NPAS3: variants seen among roughly 807,000 people sequenced by gnomAD.
NPAS3 encodes the protein neuronal PAS domain protein 3.
A neutral mutation model predicts 73.1 loss-of-function variants in NPAS3; 14 were observed. The ratio of observed to expected loss-of-function variants is 0.19; its 90% confidence interval spans 0.13 to 0.30. The LOEUF is 0.30. Ranked by LOEUF, NPAS3 falls within the 10% of genes least tolerant of loss-of-function variation. NPAS3 has a pLI of 1.00. For missense variants in NPAS3, 1,096 were observed against 1,250.0 expected, an observed-to-expected ratio of 0.88 and a Z score of 1.86; for synonymous variants, 620 against 541.5, an observed-to-expected ratio of 1.14 and a Z score of -2.01.
intron 5 of NPAS3, among the ~76,000 whole-genome samples, chr14:33,669,974 G>A (rs1387472534): frequency 6.6e-6 from 1 of 152,110 alleles, no homozygotes; most frequent in East Asian, 1.9e-4. Flanking sequence ...GGAGTGCAAT[G>A]TCGTGATCTC....
At chr14:33,256,086 G>A (rs964133809) in intron 3 of NPAS3, among the ~76,000 whole-genome samples, 16 of 152,242 alleles carry the variant, frequency 1.1e-4, no homozygotes, top group African/African-American at 3.6e-4. Flanking sequence ...TCACTTGTAG[G>A]TTTATATTCT....
intron 3 of NPAS3, among the ~76,000 whole-genome samples, chr14:33,329,446 G>C (rs372769873): frequency 6.6e-6 from 1 of 152,172 alleles, no homozygotes; most frequent in Admixed American, 6.5e-5. Flanking sequence ...CTGGGTTGGC[G>C]TTTGGATTGA....
intron 9 of NPAS3, chr14:33,780,563 T>G (rs1163699003): frequency 2.3e-6 from 1 of 428,800 alleles, no homozygotes; most frequent in Admixed American, 3.0e-5. Context: ...AAAAAGAACT[T>G]TGTCTTCCTC....
chr14:33,610,913 G>A (rs1222616646), intron 5 of NPAS3: 1 of 152,190 alleles, frequency 6.6e-6, no homozygotes, highest in Admixed American at 6.5e-5. Flanking sequence ...ACAGAACACA[G>A]GAGCAGCTTA....
chr14:33,797,621 C>T (rs2063550190), intron 11 of NPAS3, 40 bp downstream of exon 11: 1 of 1,606,596 alleles, frequency 6.2e-7, no homozygotes, highest in Non-Finnish European at 8.5e-7. Context: ...GTGAAGCTTG[C>T]CCACCACGCG....
chr14:33,124,834 T>C (rs750338685), intron 2 of NPAS3, among the ~76,000 whole-genome samples: 1 of 151,962 alleles, frequency 6.6e-6, no homozygotes, highest in Non-Finnish European at 1.5e-5. Context: ...AAGGAAAAGG[T>C]GTTACAAGAA....
chr14:33,613,890 C>G (rs748344526), intron 5 of NPAS3, among the ~76,000 whole-genome samples: 2 of 152,166 alleles, frequency 1.3e-5, no homozygotes, highest in African/African-American at 2.4e-5. Flanking sequence ...CCTTCTCCCC[C>G]CTCTTATAGG....
chr14:32,945,608 G>C (rs2036217100), intron 1 of NPAS3, among the ~76,000 whole-genome samples: 1 of 152,152 alleles, frequency 6.6e-6, no homozygotes, highest in African/African-American at 2.4e-5. Context: ...ACACCAGTGT[G>C]GAAGGGCCTG....
intron 1 of NPAS3, among the ~76,000 whole-genome samples, chr14:33,053,079 G>A (rs972534609): frequency 1.3e-5 from 2 of 152,100 alleles, no homozygotes; most frequent in East Asian, 1.9e-4. Flanking sequence ...AATTGTTAAG[G>A]CGTCATCTGT....
intron 2 of NPAS3, among the ~76,000 whole-genome samples, chr14:33,063,322 A>G (rs1324236438): frequency 6.6e-6 from 1 of 152,198 alleles, no homozygotes; most frequent in Non-Finnish European, 1.5e-5. Flanking sequence ...TTATTACCAC[A>G]TTTTACAGAT....
intron 4 of NPAS3, among the ~76,000 whole-genome samples, chr14:33,548,207 G>A (rs1250287850): frequency 2.0e-5 from 3 of 152,138 alleles, no homozygotes; most frequent in Non-Finnish European, 4.4e-5. Flanking sequence ...TATGGTTGAG[G>A]CCACTTTAGT....
chr14:33,306,504 C>A (rs1321458175), intron 3 of NPAS3, among the ~76,000 whole-genome samples: 1 of 152,012 alleles, frequency 6.6e-6, no homozygotes, highest in East Asian at 1.9e-4. Flanking sequence ...TCATTTTGAG[C>A]CTTTAATTGC....
chr14:33,405,621 G>C (rs2138811801), intron 4 of NPAS3, among the ~76,000 whole-genome samples: 1 of 152,072 alleles, frequency 6.6e-6, no homozygotes, highest in South Asian at 2.1e-4. Flanking sequence ...ACAATATTTT[G>C]GGGGTATTTT....
chr14:33,776,506 C>T (rs1343193872), intron 8 of NPAS3, among the ~76,000 whole-genome samples: 10 of 96,908 alleles, frequency 1.0e-4, no homozygotes, highest in African/African-American at 3.7e-4. Context: ...CTGCTTTTGG[C>T]GTTTTTCTTC....
intron 1 of NPAS3, among the ~76,000 whole-genome samples, chr14:32,963,636 C>A (rs1258985370): frequency 6.6e-6 from 1 of 152,152 alleles, no homozygotes; most frequent in Non-Finnish European, 1.5e-5. Context: ...GAGACAGAGG[C>A]AGTCATTAGT....
chr14:33,606,126 G>A (rs1372480942), intron 5 of NPAS3, among the ~76,000 whole-genome samples: 1 of 151,382 alleles, frequency 6.6e-6, no homozygotes, highest in Non-Finnish European at 1.5e-5. Flanking sequence ...CAATGTGCAG[G>A]TTTGTTACAT....
At chr14:33,325,532 G>C (rs538044826) in intron 3 of NPAS3, among the ~76,000 whole-genome samples, 1 of 151,728 alleles carries the variant, frequency 6.6e-6, no homozygotes, top group South Asian at 2.1e-4. Flanking sequence ...TGTAATCCCA[G>C]CTACACAGGA....
chr14:33,106,383 C>T (rs2042722940), intron 2 of NPAS3, among the ~76,000 whole-genome samples: 1 of 152,144 alleles, frequency 6.6e-6, no homozygotes, highest in African/African-American at 2.4e-5. Context: ...GCCACCTTCT[C>T]CATTGTTTTA....
chr14:33,699,147 G>A (rs767691208), intron 6 of NPAS3, among the ~76,000 whole-genome samples: 20 of 151,756 alleles, frequency 1.3e-4, no homozygotes, highest in Non-Finnish European at 2.4e-4. Context: ...CTGTTTTAAC[G>A]TTTCAAAAAA....
Sources: gnomAD v4.1 joint callset for allele counts (sites outside exome capture counted in the v4.1 genomes callset) on GRCh38, gnomAD v4.1.1 for gene constraint, MANE v1.5 for transcripts, NCBI Gene and HGNC (gene_info 2026-07-23, HGNC 2026-07-21) for gene names.